HPD: variants seen among roughly 807,000 people sequenced by gnomAD.
The protein encoded by HPD is 4-hydroxyphenylpyruvic acid oxidase.
In HPD, 35 loss-of-function variants were observed where a neutral mutation model predicts 56.9. The observed-to-expected ratio is 0.62, with a 90% CI of 0.47 to 0.82. HPD has a LOEUF of 0.82. Ranked by LOEUF, HPD falls within the 40% of genes least tolerant of loss-of-function variation. HPD has a pLI of 0.00. For synonymous variants in HPD, 186 were observed against 200.2 expected, an observed-to-expected ratio of 0.93 and a Z score of 0.60; for missense variants, 442 against 506.8, an observed-to-expected ratio of 0.87 and a Z score of 1.23.
intron 9 of HPD, among the ~76,000 whole-genome samples, 184 bp downstream of exon 9, chr12:121,848,815 A>G (rs1474287418): frequency 6.6e-6 from 1 of 152,108 alleles, no homozygotes; most frequent in Middle Eastern, 3.2e-3. Context: ...CATATTGGTC[A>G]GGCTGGTGTT....
chr12:121,857,930 C>G, intron 2 of HPD, 111 bp from the exon 3 acceptor site: 1 of 829,150 alleles, frequency 1.2e-6, no homozygotes, highest in Non-Finnish European at 2.0e-6. Context: ...AACCACAGAA[C>G]TTAGGAGCAG....
chr12:121,849,876 CG>C, intron 7 of HPD, 86 bp from the exon 8 acceptor site: 1 of 859,946 alleles, frequency 1.2e-6, no homozygotes, highest in Non-Finnish European at 2.0e-6. Context: ...AACGTAGCCC[CG>C]GGTTCCAACC....
At chr12:121,870,848 G>A in the HPD span, among the ~76,000 whole-genome samples, 8 of 151,892 alleles carry the variant, frequency 5.3e-5, no homozygotes, top group South Asian at 2.1e-4. Flanking sequence ...CGCCCGCCTC[G>A]GTCTCCCAAA....
the HPD span, among the ~76,000 whole-genome samples, chr12:121,885,089 C>A: frequency 7.9e-5 from 12 of 151,964 alleles, no homozygotes; most frequent in Admixed American, 7.9e-4. Context: ...CGGGGTTTCA[C>A]CATGTTGGTC....
the HPD span, among the ~76,000 whole-genome samples, chr12:121,868,642 C>T: frequency 6.6e-6 from 1 of 151,752 alleles, no homozygotes; most frequent in Non-Finnish European, 1.5e-5. Context: ...GCCTCAGCCT[C>T]CTGAGTAGCC....
intron 7 of HPD, among the ~76,000 whole-genome samples, chr12:121,851,802 C>T (rs1486095927): frequency 0.12 from 2,260 of 19,412 alleles, 965 homozygotes; most frequent in Non-Finnish European, 0.15. Context: ...CTCCGCCTCC[C>T]GGGTTCACGC....
the HPD span, among the ~76,000 whole-genome samples, chr12:121,882,507 G>A: frequency 1.3e-5 from 2 of 152,150 alleles, no homozygotes; most frequent in African/African-American, 4.8e-5. Context: ...CAACTGGAAA[G>A]GGGAAAGACA....
intron 1 of HPD, 42 bp from the exon 2 acceptor site, chr12:121,858,755 C>T (rs1264918861): frequency 3.7e-6 from 6 of 1,614,102 alleles, no homozygotes; most frequent in Non-Finnish European, 5.1e-6. Flanking sequence ...GAGGTTCCAA[C>T]ACAAGGTGCT....
At chr12:121,859,029 A>C (rs944416556), upstream of HPD, 1 of 623,892 alleles carries the variant, frequency 1.6e-6, no homozygotes, top group South Asian at 1.8e-5. Context: ...TGCCAGGCCC[A>C]GAGAGGGGCA....
chr12:121,841,702 G>A (rs745918987), intron 12 of HPD, among the ~76,000 whole-genome samples: 4 of 149,730 alleles, frequency 2.7e-5, no homozygotes, highest in South Asian at 4.2e-4. Context: ...TTTTTTTTCC[G>A]AGATGGAGTT....
At chr12:121,845,869 C>T (rs1462339256) in intron 11 of HPD, among the ~76,000 whole-genome samples, 1 of 152,118 alleles carries the variant, frequency 6.6e-6, no homozygotes, top group Non-Finnish European at 1.5e-5. Flanking sequence ...CCATGCCCAA[C>T]CTTAATTTCC....
chr12:121,880,838 A>C, the HPD span, among the ~76,000 whole-genome samples: 1 of 152,118 alleles, frequency 6.6e-6, no homozygotes, highest in Non-Finnish European at 1.5e-5. Flanking sequence ...TCTGTCACCC[A>C]GGCTGGTGTG....
the HPD span, among the ~76,000 whole-genome samples, chr12:121,878,159 G>A: frequency 1.3e-5 from 2 of 152,238 alleles, no homozygotes; most frequent in South Asian, 4.1e-4. Flanking sequence ...TGTTTTCACT[G>A]TTTTGTGACT....
At chr12:121,879,330 C>T in the HPD span, among the ~76,000 whole-genome samples, 30 of 146,594 alleles carry the variant, frequency 2.0e-4, no homozygotes, top group East Asian at 5.0e-3. Flanking sequence ...TTGGTTGGGG[C>T]GGGGTGGGGG....
chr12:121,873,624 C>A, the HPD span, among the ~76,000 whole-genome samples: 1 of 151,878 alleles, frequency 6.6e-6, no homozygotes, highest in African/African-American at 2.4e-5. Context: ...CGAGACCATC[C>A]TGGATAACAC....
upstream of HPD, among the ~76,000 whole-genome samples, chr12:121,861,429 C>T (rs1025479568): frequency 6.6e-6 from 1 of 151,994 alleles, no homozygotes; most frequent in Non-Finnish European, 1.5e-5. Flanking sequence ...CACTTGAACC[C>T]AGGAGGTGGA....
chr12:121,857,041 TTA>T (rs1219969920), intron 4 of HPD: 6 of 505,846 alleles, frequency 1.2e-5, no homozygotes, highest in African/African-American at 5.8e-5. Flanking sequence ...GGGAGCTGAA[TTA>T]TATGTTTTTG....
Position 121,845,440 on chromosome 12 carries a change from C to CA in HPD, c.831+1421dup, listed in dbSNP as rs889952708. On this transcript the variant is annotated intron_variant, in intron 11 of 13. Transcript: ENST00000289004. ...TGAAACCCCGTCTCTACTAAAAATACAAAAAAAAACATTAGCTGGGCGTGG... is the reference window on the plus strand; with the variant it reads ...TGAAACCCCGTCTCTACTAAAAATACAAAAAAAAAACATTAGCTGGGCGTGG... Among the ~76,000 whole-genome samples the CA allele has an allele frequency of 3.2e-4, 46 of 142,460 alleles. 1 individual carries two copies. The highest frequency in any genetic ancestry group is 4.8e-4 in the Admixed American group (7 of 14,674). 93.5% of individuals were successfully genotyped at this position (142,460 alleles called of 152,430 possible).
chr12:121,859,529 G>A (rs1269534496), upstream of HPD, among the ~76,000 whole-genome samples: 1 of 152,096 alleles, frequency 6.6e-6, no homozygotes, highest in African/African-American at 2.4e-5. Context: ...AACATGAACC[G>A]GGCTATTCTA....
Sources: gnomAD v4.1 joint callset for allele counts (sites outside exome capture counted in the v4.1 genomes callset) on GRCh38, gnomAD v4.1.1 for gene constraint, MANE v1.5 for transcripts, NCBI Gene and HGNC (gene_info 2026-07-23, HGNC 2026-07-21) for gene names.